ADAR: variants seen among roughly 807,000 people sequenced by gnomAD.
The protein encoded by ADAR is adenosine deaminase RNA specific.
A neutral mutation model predicts 113.2 loss-of-function variants in ADAR; 41 were observed. The ratio of observed to expected loss-of-function variants is 0.36; its 90% CI spans 0.28 to 0.47. The LOEUF is 0.47. ADAR is among the 20% of genes least tolerant of loss of function. The probability of loss-of-function intolerance (pLI) is 1.00; values close to 1 mark genes in which losing one functional copy is unlikely to be tolerated. For missense variants in ADAR, 1,242 were observed against 1,540.9 expected (o/e 0.81, Z 3.25); for synonymous variants, 605 against 572.6 (o/e 1.06, Z -0.81).
rs747713538 is a variant in ADAR at position 154,596,988 on chromosome 1, C to T, written c.2087G>A (p.Gly696Asp). 5.6e-6 allele frequency: 9 copies of T among 1,614,176 alleles called. No homozygotes were observed. The highest frequency in any genetic ancestry group is 1.7e-5 in the Admixed American group (1 of 60,028). Reference protein sequence around the residue: ...NSMASDNQPEGMISESLDNLE... With the variant: ...NSMASDNQPEDMISESLDNLE... ...GTTATCAAGTGACTCTGAGATCATA[C>T]CTTCAGGCTAAAGGAGAATCCATCA... Residue 696 changes from glycine (G) to aspartate (D), a missense_variant, in exon 6 of 15, where the codon GGT becomes GAT. Physicochemically the swap from Gly to Asp is moderately conservative, Grantham distance 94. Around this residue, in one of 2 missense-constraint regions of ADAR, gnomAD observed 780 missense variants for 1,057.9 expected, o/e 0.74. Coordinates refer to ENST00000368474, the MANE Select transcript of ADAR (RefSeq NM_001111.5).
intron 1 of ADAR, among the ~76,000 whole-genome samples, chr1:154,624,245 A>G (rs972238803): frequency 4.6e-5 from 7 of 152,190 alleles, no homozygotes; most frequent in Admixed American, 4.6e-4. Context: ...GTAGATTAAT[A>G]TACAGTCCTT....
chr1:154,600,814 G>C (rs1473618020), intron 2 of ADAR: 1 of 626,580 alleles, frequency 1.6e-6, no homozygotes, highest in Non-Finnish European at 2.8e-6. Context: ...AGCCAACAGA[G>C]TCAACCTCCC....
intron 2 of ADAR, among the ~76,000 whole-genome samples, chr1:154,599,991 AC>A (rs1260938466): frequency 1.3e-5 from 2 of 152,002 alleles, no homozygotes; most frequent in Non-Finnish European, 2.9e-5. Context: ...TAGCAGCACA[AC>A]CCACCCCCAC....
In ADAR at chr1:154,608,181, C is replaced by G. The variant is rs1266855175; in HGVS notation, c.-175G>C. 1.3e-6 allele frequency: 1 copy of G among 745,322 alleles called. No individual in the cohort carries two copies. The highest frequency in any genetic ancestry group is 2.0e-6 in the Non-Finnish European group (1 of 496,464). 46.2% of individuals were successfully genotyped at this position (745,322 alleles called of 1,614,324 possible). On this transcript the variant is annotated 5_prime_UTR_variant, in exon 1 of 15. Transcript: ENST00000368474. ...CTGCGCGCCGGGCCCAAGATGGCTC[C>G]GGTTCAATTTCGCTTTCGTTTCCTC...
At chr1:154,596,703 G>T in intron 6 of ADAR, 102 bp downstream of exon 6, 1 of 1,364,956 alleles carries the variant, frequency 7.3e-7, no homozygotes, top group Non-Finnish European at 1.0e-6. Context: ...CCCTCAACTC[G>T]CCCCTTCTGT....
chr1:154,618,603 C>T (rs1486965069), intron 1 of ADAR, among the ~76,000 whole-genome samples: 4 of 152,090 alleles, frequency 2.6e-5, no homozygotes, highest in African/African-American at 7.2e-5. Flanking sequence ...AAAGAACCAC[C>T]TCCCTCCAAA....
intron 6 of ADAR, 109 bp from the exon 7 acceptor site, chr1:154,590,518 G>C: frequency 9.7e-7 from 1 of 1,035,822 alleles, no homozygotes; most frequent in East Asian, 2.4e-5. Flanking sequence ...ATATGGACCC[G>C]TCAAACAGAA....
At chr1:154,609,954 G>A (rs904298452), upstream of ADAR, among the ~76,000 whole-genome samples, 2 of 152,100 alleles carry the variant, frequency 1.3e-5, no homozygotes, top group Non-Finnish European at 2.9e-5. Flanking sequence ...CCTTATATTC[G>A]CCTTCAGAGG....
rs778374446 is a variant in ADAR, at chr1:154,602,121, C to T, written c.521G>A (p.Arg174Gln). 4 of 1,614,086 alleles carry T rather than the reference C, an allele frequency of 2.5e-6. No homozygotes were observed. Among genetic ancestry groups the T allele is most frequent in the East Asian group, 4.5e-5 (2 of 44,904 alleles). The part of the protein sequence containing the change: ...KLGTPKKEIN[R>Q]VLYSLAKKGK... ...CTTCTTTGCCAGGGAGTATAAAACTCGATTGATTTCTTTCTTCGGAGTCCC... is the reference window on the plus strand; with the variant it reads ...CTTCTTTGCCAGGGAGTATAAAACTTGATTGATTTCTTTCTTCGGAGTCCC... The change falls in exon 2 of 15, where the codon CGA becomes CAA. Residue 174 changes from arginine (R) to glutamine (Q), a missense_variant. Arg to Gln is a conservative substitution (Grantham distance 43, BLOSUM62 1). Transcript: ENST00000368474.
Position 154,584,595 on chromosome 1 carries a change from G to GA in ADAR, c.*210dup. 1.7e-6 allele frequency: 1 copy of GA among 574,110 alleles called. No homozygotes were observed. 35.6% of individuals were successfully genotyped at this position (574,110 alleles called of 1,614,324 possible). A position where few individuals can be genotyped will look rare whatever the true frequency, so the allele number is the denominator to read the frequency against. ...TAGGTTTCTGCCTCTTCACTTGGGG[G>GA]AAAAAAGGGGGGCCTGGCCAGACCT... is the stretch of plus-strand genomic sequence containing the variant. On this transcript the variant is annotated 3_prime_UTR_variant, in exon 15 of 15. Coordinates refer to ENST00000368474, the MANE Select transcript of ADAR (RefSeq NM_001111.5).
In ADAR at chr1:154,585,149, G is replaced by C; in HGVS notation, c.3443+68C>G. 5 of 1,613,332 alleles carry C rather than the reference G, an allele frequency of 3.1e-6. No individual in the cohort carries two copies. The Admixed American group carries it at 8.3e-5, about 27-fold the overall frequency. On this transcript the variant is annotated intron_variant, in intron 14 of 14. Transcript: ENST00000368474. ...GCGGCTCTCAAGCCCTGAGACTGCA[G>C]AGGTATGATGCACCCTTGCAAGTCA... is the stretch of plus-strand genomic sequence containing the variant.
chr1:154,590,135 A>AGGCGGGGGGGGGGGGGGGG, intron 7 of ADAR, 49 bp downstream of exon 7: 5 of 1,205,020 alleles, frequency 4.1e-6, no homozygotes, highest in East Asian at 2.5e-5. Context: ...CTTAGGAGTT[A>AGGCGGGGGGGGGGGGGGGG]GGAGGACCCC....
chr1:154,612,333 T>G (rs892578842), upstream of ADAR, among the ~76,000 whole-genome samples: 6 of 134,804 alleles, frequency 4.5e-5, no homozygotes, highest in African/African-American at 2.8e-5. Flanking sequence ...TTTTTTTTTT[T>G]TTTTTTTTTT....
At chr1:154,586,022 T>C in intron 12 of ADAR, 157 bp from the exon 13 acceptor site, 1 of 1,191,266 alleles carries the variant, frequency 8.4e-7, no homozygotes, top group Non-Finnish European at 1.2e-6. Context: ...GCTACCAGGA[T>C]CTTCCTACCA....
chr1:154,618,008 A>ATTT (rs563678979), intron 1 of ADAR, among the ~76,000 whole-genome samples: 153 of 151,710 alleles, frequency 1.0e-3, no homozygotes, highest in African/African-American at 3.5e-3. Context: ...TAAGAGAAAC[A>ATTT]TATAAAACAC....
chr1:154,590,135 A>AGGGGGGGGGG, intron 7 of ADAR, 49 bp downstream of exon 7: 3 of 1,205,032 alleles, frequency 2.5e-6, no homozygotes, highest in Non-Finnish European at 3.6e-6. Flanking sequence ...CTTAGGAGTT[A>AGGGGGGGGGG]GGAGGACCCC....
At chr1:154,603,678 T>C (rs1040606308) in intron 1 of ADAR, among the ~76,000 whole-genome samples, 1 of 152,030 alleles carries the variant, frequency 6.6e-6, no homozygotes, top group African/African-American at 2.4e-5. Context: ...CCCAGGGCTG[T>C]TCACTGGAGG....
At chr1:154,608,466 T>A (rs1350770535), upstream of ADAR, among the ~76,000 whole-genome samples, 1 of 146,652 alleles carries the variant, frequency 6.8e-6, no homozygotes, top group Non-Finnish European at 1.5e-5. Context: ...GTAGCTGGGA[T>A]TACAGGCGAG....
chr1:154,588,918 G>A (rs1338482506), intron 9 of ADAR, among the ~76,000 whole-genome samples: 2 of 152,202 alleles, frequency 1.3e-5, no homozygotes, highest in African/African-American at 4.8e-5. Flanking sequence ...CTAGAGCAGA[G>A]CAAACTGATT....
Sources: allele counts gnomAD v4.1 joint callset (sites outside exome capture counted in the v4.1 genomes callset), GRCh38; gene constraint gnomAD v4.1.1; regional missense constraint gnomAD v4.1.1; transcripts MANE v1.5; gene names NCBI Gene and HGNC (gene_info 2026-07-23, HGNC 2026-07-21).